ATP2A2: variants seen among roughly 807,000 people sequenced by gnomAD.
ATP2A2 encodes sarcoplasmic/endoplasmic reticulum calcium ATPase 2.
A neutral mutation model predicts 109.3 loss-of-function variants in ATP2A2; 14 were observed. The ratio of observed to expected loss-of-function variants is 0.13; its 90% CI spans 0.08 to 0.20. The LOEUF (loss-of-function observed/expected upper bound fraction) is 0.20. ATP2A2 is among the 10% of genes least tolerant of loss of function. ATP2A2 has a pLI of 1.00. For missense variants in ATP2A2, 657 were observed against 1,321.6 expected (o/e 0.50, Z 7.80); for synonymous variants, 506 against 490.9 (o/e 1.03, Z -0.41).
At position 110,348,728 on chromosome 12, in the gene ATP2A2, C is replaced by T; in HGVS notation, c.*2258C>T. ...AAAAAAAATCAGCCTTACTGTGAAGCCTCCAAGGCTGCTCGCAGGCAGCTG... is the reference window on the plus strand; with the variant it reads ...AAAAAAAATCAGCCTTACTGTGAAGTCTCCAAGGCTGCTCGCAGGCAGCTG... On this transcript the variant is annotated 3_prime_UTR_variant, in exon 20 of 20. Transcript: ENST00000539276. The T allele has an allele frequency of 3.0e-6, 3 of 985,396 alleles. No individual in the cohort carries two copies. The highest frequency in any genetic ancestry group is 3.6e-6 in the Non-Finnish European group (3 of 829,960). 61.0% of individuals were successfully genotyped at this position (985,396 alleles called of 1,614,324 possible).
intron 5 of ATP2A2, among the ~76,000 whole-genome samples, chr12:110,305,173 A>G (rs980852143): frequency 6.6e-6 from 1 of 152,144 alleles, no homozygotes; most frequent in African/African-American, 2.4e-5. Flanking sequence ...ACTTCAAATG[A>G]TCCGCCTGCC....
Position 110,346,940 on chromosome 12 carries a change from C to G in ATP2A2, c.*470C>G. 9.1e-7 allele frequency: 1 copy of G among 1,093,646 alleles called. No homozygotes were observed. The highest frequency in any genetic ancestry group is 1.1e-6 in the Non-Finnish European group (1 of 896,274). 67.7% of individuals were successfully genotyped at this position (1,093,646 alleles called of 1,614,324 possible). On this transcript the variant is annotated 3_prime_UTR_variant, in exon 20 of 20. Transcript: ENST00000539276. The stretch of plus-strand genomic sequence containing the variant: ...AATTTTTATTCATAAGCCAATTTTT[C>G]TGCACTGAGCAGAGTCTTGCTACCT...
At chr12:110,319,125 C>G (rs1030041060) in intron 5 of ATP2A2, among the ~76,000 whole-genome samples, 8 of 149,634 alleles carry the variant, frequency 5.3e-5, no homozygotes, top group Admixed American at 2.7e-4. Flanking sequence ...GGGAAGATGA[C>G]TTGAGCCCAG....
At chr12:110,292,423 C>T (rs1190766823) in intron 4 of ATP2A2, among the ~76,000 whole-genome samples, 9 of 152,034 alleles carry the variant, frequency 5.9e-5, no homozygotes, top group Non-Finnish European at 7.3e-5. Flanking sequence ...CGCACCACCA[C>T]GCCCAGCTCA....
chr12:110,347,919 G>T lies in ATP2A2; in HGVS notation c.*1449G>T. The T allele has an allele frequency of 1.0e-6, 1 of 989,054 alleles. No homozygotes were observed. The highest frequency in any genetic ancestry group is 1.2e-6 in the Non-Finnish European group (1 of 832,262). The allele number at this position is 989,054 out of a possible 1,614,324, so 61.3% of individuals were successfully genotyped here. ...ATGCTGCTGTGCTCCCTGATGCCCT[G>T]TGAGCACCGGGGTTGCCTGTGGCGC... On this transcript the variant is annotated 3_prime_UTR_variant, in exon 20 of 20. Transcript: ENST00000539276.
chr12:110,315,108 C>T (rs530993062), intron 5 of ATP2A2, among the ~76,000 whole-genome samples: 48 of 152,262 alleles, frequency 3.2e-4, no homozygotes, highest in African/African-American at 1.1e-3. Context: ...CCTTGTGATC[C>T]GCCTGCCTCA....
At chr12:110,332,331 CAT>C in intron 8 of ATP2A2, 1 of 459,076 alleles carries the variant, frequency 2.2e-6, no homozygotes, top group East Asian at 4.2e-5. Context: ...CACTGCTGCT[CAT>C]TCATTCAGCA....
At chr12:110,326,761 A>G (rs928132627) in intron 7 of ATP2A2, among the ~76,000 whole-genome samples, 3 of 152,226 alleles carry the variant, frequency 2.0e-5, no homozygotes, top group Admixed American at 2.0e-4. Flanking sequence ...GCCTTAGCCA[A>G]TAAAGGGTAT....
intron 3 of ATP2A2, among the ~76,000 whole-genome samples, chr12:110,288,101 CTTTTTTTTTTTTTTT>C (rs71083111): frequency 1.1e-5 from 1 of 87,300 alleles, no homozygotes; most frequent in Non-Finnish European, 2.1e-5. Flanking sequence ...ATGCTTTGCC[CTTTTTTTTTTTTTTT>C]TTTTTTTTTG....
In ATP2A2 at chr12:110,347,281, C is replaced by A; in HGVS notation, c.*811C>A. 1 of 1,257,054 alleles carries A rather than the reference C, an allele frequency of 8.0e-7. No homozygotes were observed. Among genetic ancestry groups the A allele is most frequent in the Non-Finnish European group, 1.0e-6 (1 of 970,142 alleles). 77.9% of individuals were successfully genotyped at this position (1,257,054 alleles called of 1,614,324 possible). A position where few individuals can be genotyped will look rare whatever the true frequency, so the allele number is the denominator to read the frequency against. Reference sequence around the variant, plus strand: ...ATTGCCTATTTCAGTGGCACGTCATCTAGTTTTAAAAAAATAAAACATTTT... The same window carrying A: ...ATTGCCTATTTCAGTGGCACGTCATATAGTTTTAAAAAAATAAAACATTTT... On this transcript the variant is annotated 3_prime_UTR_variant, in exon 20 of 20. Coordinates refer to ENST00000539276, the MANE Select transcript of ATP2A2 (RefSeq NM_170665.4).
At chr12:110,300,344 T>C (rs1874480760) in intron 5 of ATP2A2, among the ~76,000 whole-genome samples, 1 of 137,788 alleles carries the variant, frequency 7.3e-6, no homozygotes, top group Non-Finnish European at 1.5e-5. Flanking sequence ...CATGACACCA[T>C]GCCCAGCTTT....
chr12:110,322,870 G>A (rs1238866890), intron 5 of ATP2A2, 122 bp from the exon 6 acceptor site: 2 of 764,784 alleles, frequency 2.6e-6, no homozygotes, highest in Admixed American at 2.0e-5. Flanking sequence ...TGAATTTTAT[G>A]TATTTGTGTT....
intron 5 of ATP2A2, among the ~76,000 whole-genome samples, chr12:110,311,731 T>C (rs1351445409): frequency 2.3e-5 from 3 of 127,712 alleles, no homozygotes; most frequent in East Asian, 3.9e-4. Flanking sequence ...AGAGAATTGT[T>C]TAAAAAAAAA....
At chr12:110,334,867 C>T (rs538352893) in intron 11 of ATP2A2, among the ~76,000 whole-genome samples, 2 of 152,272 alleles carry the variant, frequency 1.3e-5, no homozygotes, top group East Asian at 3.9e-4. Flanking sequence ...GGATTACAGG[C>T]ATGAGCCACC....
intron 3 of ATP2A2, among the ~76,000 whole-genome samples, chr12:110,288,694 T>A (rs1872936262): frequency 6.6e-6 from 1 of 152,194 alleles, no homozygotes. Context: ...TGTGAGCCAC[T>A]GCTCCTGGCT....
At chr12:110,302,508 AG>A (rs1286866111) in intron 5 of ATP2A2, among the ~76,000 whole-genome samples, 2 of 151,948 alleles carry the variant, frequency 1.3e-5, no homozygotes, top group Non-Finnish European at 2.9e-5. Context: ...CTTCCCCCAC[AG>A]TATGGTAATT....
At chr12:110,323,863 A>G (rs1287983126) in intron 6 of ATP2A2, among the ~76,000 whole-genome samples, 1 of 152,230 alleles carries the variant, frequency 6.6e-6, no homozygotes, top group Non-Finnish European at 1.5e-5. Context: ...TTTTGTGGAA[A>G]GCAAATTACT....
intron 2 of ATP2A2, 24 bp downstream of exon 2, chr12:110,282,645 T>C: frequency 1.9e-6 from 3 of 1,613,608 alleles, no homozygotes; most frequent in Non-Finnish European, 2.5e-6. Context: ...GCTGTTTCTG[T>C]TTTTTTTCCT....
intron 5 of ATP2A2, among the ~76,000 whole-genome samples, chr12:110,298,422 T>A (rs1298220925): frequency 6.6e-6 from 1 of 152,202 alleles, no homozygotes; most frequent in Non-Finnish European, 1.5e-5. Flanking sequence ...TTGGATTTTT[T>A]AAAACTTCCT....
Sources: allele counts gnomAD v4.1 joint callset (sites outside exome capture counted in the v4.1 genomes callset), GRCh38; gene constraint gnomAD v4.1.1; transcripts MANE v1.5; gene names NCBI Gene and HGNC (gene_info 2026-07-23, HGNC 2026-07-21).